Variants in ZNF778 observed in about 807,000 individuals in gnomAD.
ZNF778 encodes the protein zinc finger protein 778.
In ZNF778, 37 loss-of-function variants were observed where a neutral mutation model predicts 23.9. That is an observed-to-expected ratio of 1.54 (90% confidence interval 1.19 to 2.03). The LOEUF (loss-of-function observed/expected upper bound fraction) is 2.03. Ranked by LOEUF, ZNF778 falls within the 30% of genes most tolerant of loss-of-function variation. The pLI is 0.00. For missense variants in ZNF778, 1,297 were observed against 934.4 expected, an observed-to-expected ratio of 1.39 and a Z score of -5.06; for synonymous variants, 483 against 343.9, an observed-to-expected ratio of 1.40 and a Z score of -4.48.
rs1597367527 is a variant in ZNF778, at chr16:89,229,884, C to T, written c.*1322C>T. Reference sequence around the variant, plus strand: ...TTAGTCTTGAGGATCCAGATGTGATCCTGTGTGAGCAGCGTAGGCTCTGGT... The same window carrying T: ...TTAGTCTTGAGGATCCAGATGTGATTCTGTGTGAGCAGCGTAGGCTCTGGT... On this transcript the variant is annotated 3_prime_UTR_variant, in exon 7 of 7. Coordinates refer to ENST00000433976, the MANE Select transcript of ZNF778 (RefSeq NM_001201407.2). The T allele has an allele frequency of 2.1e-6, 2 of 971,568 alleles. No homozygotes were observed. The highest frequency in any genetic ancestry group is 1.9e-5 in the African/African-American group (1 of 53,182). 60.2% of individuals were successfully genotyped at this position (971,568 alleles called of 1,614,324 possible).
chr16:89,232,804 G>T lies in ZNF778; in HGVS notation c.*4242G>T, dbSNP rs760075078. The T allele has an allele frequency of 2.3e-6, 3 of 1,285,406 alleles. No homozygotes were observed. The highest frequency in any genetic ancestry group is 3.0e-6 in the Non-Finnish European group (3 of 988,732). The allele number at this position is 1,285,406 out of a possible 1,614,324, so 79.6% of individuals were successfully genotyped here. On this transcript the variant is annotated 3_prime_UTR_variant, in exon 7 of 7. Coordinates refer to ENST00000433976, the MANE Select transcript of ZNF778 (RefSeq NM_001201407.2). The stretch of plus-strand genomic sequence containing the variant: ...CACTGCATATGCACATCAACTCACT[G>T]CATATGCAACTCAACTCACACCGTA...
chr16:89,227,976 G>T lies in ZNF778; in HGVS notation c.1688G>T (p.Cys563Phe). Residue 563 changes from cysteine to phenylalanine, a missense_variant, in exon 7 of 7, where the codon TGT becomes TTT. Transcript: ENST00000433976. ...CACACAGAGGAGAAGCCCTTTATAT[G>T]TACGGTATGCAGGAAATCCTTCAGA... ...KTHTEEKPFI[C>F]TVCRKSFRNS... The T allele has an allele frequency of 1.9e-6, 3 of 1,590,024 alleles. No individual in the cohort carries two copies. Among genetic ancestry groups the T allele is most frequent in the Non-Finnish European group, 2.6e-6 (3 of 1,165,154 alleles).
intron 2 of ZNF778, 43 bp from the exon 3 acceptor site, chr16:89,222,049 C>G (rs1281799721): frequency 7.0e-7 from 1 of 1,433,246 alleles, no homozygotes; most frequent in Non-Finnish European, 9.6e-7. Flanking sequence ...GAATTAGGGT[C>G]AGCTCTGGGT....
Position 89,227,682 on chromosome 16 carries a change from C to T in ZNF778, c.1394C>T (p.Thr465Ile), listed in dbSNP as rs766099131. ...GKAFCTSSGL[T>I]EHVRTHTGEK... ...GCCTTCTGTACATCCTCGGGCCTTACTGAGCATGTAAGGACTCACACTGGA... is the reference window on the plus strand; with the variant it reads ...GCCTTCTGTACATCCTCGGGCCTTATTGAGCATGTAAGGACTCACACTGGA... Residue 465 changes from threonine to isoleucine, a missense_variant, in exon 7 of 7, where the codon ACT becomes ATT. Coordinates refer to ENST00000433976, the MANE Select transcript of ZNF778 (RefSeq NM_001201407.2). 2 of 1,614,120 alleles carry T rather than the reference C, an allele frequency of 1.2e-6. No homozygotes were observed. The highest frequency in any genetic ancestry group is 3.3e-4 in the Middle Eastern group (2 of 6,062).
rs961682428 is a variant in ZNF778, at chr16:89,233,914, C to G, written c.*5352C>G. The stretch of plus-strand genomic sequence containing the variant: ...CCTGAAGTCAGCCCAGGATGAGGCA[C>G]TAGACAGCAGGACATGCTGTATGCC... On this transcript the variant is annotated 3_prime_UTR_variant, in exon 7 of 7. Coordinates refer to ENST00000433976, the MANE Select transcript of ZNF778 (RefSeq NM_001201407.2). 5 of 1,289,222 alleles carry G rather than the reference C, an allele frequency of 3.9e-6. No homozygotes were observed. Among genetic ancestry groups the G allele is most frequent in the Middle Eastern group, 4.2e-4 (2 of 4,718 alleles). 79.9% of individuals were successfully genotyped at this position (1,289,222 alleles called of 1,614,324 possible). A position where few individuals can be genotyped will look rare whatever the true frequency, so the allele number is the denominator to read the frequency against.
At position 89,227,541 on chromosome 16, in the gene ZNF778, T is replaced by C. The variant is rs76118699; in HGVS notation, c.1253T>C (p.Ile418Thr). ...LNNHVRIHTG[I>T]KPYTCSYCGK... The stretch of plus-strand genomic sequence containing the variant: ...AATCATGTTCGAATTCACACTGGAA[T>C]AAAACCCTATACATGCAGCTACTGT... Residue 418 changes from isoleucine to threonine, a missense_variant, in exon 7 of 7, where the codon ATA becomes ACA. Coordinates refer to ENST00000433976, the MANE Select transcript of ZNF778 (RefSeq NM_001201407.2). 3.4e-3 allele frequency: 5,433 copies of C among 1,614,046 alleles called. 146 individuals are homozygous for C. In the African/African-American group the frequency reaches 0.063, roughly 19 times the overall value.
In ZNF778 at chr16:89,226,810, G is replaced by A; in HGVS notation, c.522G>A (p.Val174=). The A allele has an allele frequency of 6.2e-7, 1 of 1,614,012 alleles. No individual in the cohort carries two copies. The highest frequency in any genetic ancestry group is 8.5e-7 in the Non-Finnish European group (1 of 1,179,898). ...VRTQNTGDSC[V]SNHYERDFFI... is the part of the protein sequence containing the mutation. ...CTCAAAATACAGGAGACAGTTGTGT[G>A]TCTAATCATTATGAAAGGGACTTTT... Residue 174 remains valine, a synonymous_variant, in exon 7 of 7, where the codon GTG becomes GTA. Coordinates refer to ENST00000433976, the MANE Select transcript of ZNF778 (RefSeq NM_001201407.2).
In ZNF778 at chr16:89,233,932, T is replaced by A; in HGVS notation, c.*5370T>A. On this transcript the variant is annotated 3_prime_UTR_variant, in exon 7 of 7. Coordinates refer to ENST00000433976, the MANE Select transcript of ZNF778 (RefSeq NM_001201407.2). The stretch of plus-strand genomic sequence containing the variant: ...TGAGGCACTAGACAGCAGGACATGC[T>A]GTATGCCCTTGGGCCTGCTGGAAGT... The A allele has an allele frequency of 7.8e-7, 1 of 1,287,776 alleles. No homozygotes were observed. Among genetic ancestry groups the A allele is most frequent in the Admixed American group, 2.3e-5 (1 of 43,572 alleles). The allele number at this position is 1,287,776 out of a possible 1,614,324, so 79.8% of individuals were successfully genotyped here.
At position 89,227,298 on chromosome 16, in the gene ZNF778, G is replaced by A. The variant is rs749805731; in HGVS notation, c.1010G>A (p.Cys337Tyr). 5 of 1,613,756 alleles carry A rather than the reference G, an allele frequency of 3.1e-6. No homozygotes were observed. In the East Asian group the frequency reaches 6.7e-5, roughly 22 times the overall value. Residue 337 changes from cysteine (C) to tyrosine (Y), a missense_variant, in exon 7 of 7, where the codon TGT (cysteine) becomes TAT (tyrosine). Cys to Tyr is a radical substitution (Grantham distance 194). Transcript: ENST00000433976. ...AGAATTCATGCTGCAGAGAAACCCTGTGAATGTAAAGAATGCGGAAAAGCC... is the reference window on the plus strand; with the variant it reads ...AGAATTCATGCTGCAGAGAAACCCTATGAATGTAAAGAATGCGGAAAAGCC... ...HVRIHAAEKPCECKECGKAFT... is the reference protein window; with the variant it reads ...HVRIHAAEKPYECKECGKAFT...
rs761927568 is a variant in ZNF778 at position 89,226,950 on chromosome 16, G to C, written c.662G>C (p.Arg221Pro). Reference protein sequence around the residue: ...PNVVSQQACTRDRSLDYSSCG... With the variant: ...PNVVSQQACTPDRSLDYSSCG... ...GTTGTTTCCCAGCAAGCATGCACTCGGGACAGATCTCTTGACTACAGCAGC... is the reference window on the plus strand; with the variant it reads ...GTTGTTTCCCAGCAAGCATGCACTCCGGACAGATCTCTTGACTACAGCAGC... Residue 221 changes from arginine to proline, a missense_variant, in exon 7 of 7, where the codon CGG (arginine) becomes CCG (proline). Arg to Pro is a moderately radical substitution (Grantham distance 103, BLOSUM62 -2). Transcript: ENST00000433976. 78 of 1,613,842 alleles carry C rather than the reference G, an allele frequency of 4.8e-5. No homozygotes were observed. The South Asian group carries it at 8.3e-4, about 17-fold the overall frequency.
chr16:89,234,996 T>C lies in ZNF778; in HGVS notation c.*6434T>C, dbSNP rs1399374313. The C allele has an allele frequency of 6.6e-6, 1 of 152,228 alleles. No individual in the cohort carries two copies. The allele number at this position is 152,228 out of a possible 1,614,324, so 9.4% of individuals were successfully genotyped here. The stretch of plus-strand genomic sequence containing the variant: ...CCTTTATCTTCATCAGAAATTTCTT[T>C]TCTCCTAAGGCCTTAAATATGCTGT... On this transcript the variant is annotated 3_prime_UTR_variant, in exon 7 of 7. Coordinates refer to ENST00000433976, the MANE Select transcript of ZNF778 (RefSeq NM_001201407.2).
Position 89,234,563 on chromosome 16 carries a change from G to T in ZNF778, c.*6001G>T, listed in dbSNP as rs181610330. On this transcript the variant is annotated 3_prime_UTR_variant, in exon 7 of 7. Transcript: ENST00000433976. ...TGTTGTGAGGTGAGTCACCACTTGTGACTTAGAAGATTGCAGTGGTTTCCA... is the reference window on the plus strand; with the variant it reads ...TGTTGTGAGGTGAGTCACCACTTGTTACTTAGAAGATTGCAGTGGTTTCCA... 1 of 165,090 alleles carries T rather than the reference G, an allele frequency of 6.1e-6. No homozygotes were observed. Among genetic ancestry groups the T allele is most frequent in the Non-Finnish European group, 1.3e-5 (1 of 75,380 alleles). The allele number at this position is 165,090 out of a possible 1,614,324, so 10.2% of individuals were successfully genotyped here.
chr16:89,228,414 C>T lies in ZNF778; in HGVS notation c.2126C>T (p.Ala709Val). The T allele has an allele frequency of 1.2e-6, 2 of 1,613,956 alleles. No individual in the cohort carries two copies. Among genetic ancestry groups the T allele is most frequent in the Non-Finnish European group, 1.7e-6 (2 of 1,179,898 alleles). ...KPYKCKECGKAYNRFYLLKEH... is the reference protein window; with the variant it reads ...KPYKCKECGKVYNRFYLLKEH... ...TATAAATGTAAGGAATGTGGGAAAG[C>T]ATACAATAGGTTTTATCTACTAAAA... The change falls in exon 7 of 7, where the codon GCA (alanine) becomes GTA (valine). Residue 709 changes from alanine (A) to valine (V), a missense_variant. Transcript: ENST00000433976.
chr16:89,230,325 A>T lies in ZNF778; in HGVS notation c.*1763A>T. On this transcript the variant is annotated 3_prime_UTR_variant, in exon 7 of 7. Coordinates refer to ENST00000433976, the MANE Select transcript of ZNF778 (RefSeq NM_001201407.2). ...GGGGAGGAGGGAATTCCTGTACCTT[A>T]GGCAGTGCCGGACGGGTGAGAGCCC... 1 of 154,014 alleles carries T rather than the reference A, an allele frequency of 6.5e-6. No homozygotes were observed. Among genetic ancestry groups the T allele is most frequent in the East Asian group, 1.9e-4 (1 of 5,188 alleles). The allele number at this position is 154,014 out of a possible 1,614,324, so 9.5% of individuals were successfully genotyped here. A position where few individuals can be genotyped will look rare whatever the true frequency, so the allele number is the denominator to read the frequency against.
Position 89,228,532 on chromosome 16 carries a change from T to C in ZNF778, c.2244T>C (p.Thr748=). ...FKNSSCLNHH[T]QIHTDEKPF ...ATTCCTCATGCCTTAACCATCACAC[T>C]CAAATTCACACTGATGAGAAACCTT... The change falls in exon 7 of 7, where the codon ACT becomes ACC. Residue 748 remains threonine (T), a synonymous_variant. Transcript: ENST00000433976. The C allele has an allele frequency of 1.3e-6, 2 of 1,597,162 alleles. No homozygotes were observed. The highest frequency in any genetic ancestry group is 1.7e-6 in the Non-Finnish European group (2 of 1,173,792).
chr16:89,224,048 A>G (rs1269611325), intron 4 of ZNF778, among the ~76,000 whole-genome samples: 4 of 148,802 alleles, frequency 2.7e-5, no homozygotes, highest in Admixed American at 1.3e-4. Flanking sequence ...GCAGTGGCTT[A>G]GGGCTGTAAT....
intron 4 of ZNF778, 40 bp downstream of exon 4, chr16:89,223,323 A>G (rs754386194): frequency 2.5e-6 from 4 of 1,612,022 alleles, no homozygotes; most frequent in East Asian, 4.5e-5. Flanking sequence ...TGTGGAACCA[A>G]TACTTGATGT....
chr16:89,220,954 G>A, intron 1 of ZNF778, 43 bp from the exon 2 acceptor site: 2 of 663,418 alleles, frequency 3.0e-6, no homozygotes, highest in South Asian at 1.8e-5. Flanking sequence ...AATGCGTGAG[G>A]TTTGATAACT....
Position 89,227,014 on chromosome 16 carries a change from A to G in ZNF778, c.726A>G (p.Ala242=). ...EVFLNQSYLQ[A]RAGSHNGEET... is the part of the protein sequence containing the mutation. The stretch of plus-strand genomic sequence containing the variant: ...TCCTTAATCAGTCATACCTTCAGGC[A>G]CGTGCGGGAAGTCACAACGGAGAAG... Residue 242 remains alanine (A), a synonymous_variant, in exon 7 of 7, where the codon GCA becomes GCG. Transcript: ENST00000433976. 1 of 1,613,970 alleles carries G rather than the reference A, an allele frequency of 6.2e-7. No individual in the cohort carries two copies. Among genetic ancestry groups the G allele is most frequent in the Non-Finnish European group, 8.5e-7 (1 of 1,179,892 alleles).
Sources: allele counts gnomAD v4.1 joint callset (sites outside exome capture counted in the v4.1 genomes callset), GRCh38; gene constraint gnomAD v4.1.1; transcripts MANE v1.5; gene names NCBI Gene and HGNC (gene_info 2026-07-23, HGNC 2026-07-21).